Variants in SOX5 observed in about 807,000 individuals in gnomAD.
The protein encoded by SOX5 is transcription factor SOX-5.
In SOX5, 9 loss-of-function variants were observed where a neutral mutation model predicts 92.0. The observed-to-expected ratio is 0.10, with a 90% CI of 0.06 to 0.17. The LOEUF (loss-of-function observed/expected upper bound fraction) is 0.17. Among genes scored for constraint, SOX5 ranks in the 10% least tolerant of loss-of-function variants. SOX5 has a pLI of 1.00. For synonymous variants in SOX5, 344 were observed against 336.3 expected (o/e 1.02, Z -0.25); for missense variants, 642 against 944.5 (o/e 0.68, Z 4.20).
chr12:24,104,888 T>C (rs976970111), intron 4 of SOX5, among the ~76,000 whole-genome samples: 5 of 152,228 alleles, frequency 3.3e-5, no homozygotes, highest in Admixed American at 6.5e-5. Flanking sequence ...GTAAATACAA[T>C]TGCAGACTGC....
At chr12:23,928,077 A>T (rs531400989) in intron 1 of SOX5, among the ~76,000 whole-genome samples, 22 of 152,182 alleles carry the variant, frequency 1.4e-4, no homozygotes, top group African/African-American at 5.1e-4. Flanking sequence ...TACTGGGCAC[A>T]TGAGGAAGGA....
chr12:23,776,381 AAAG>A (rs2095099529), intron 3 of SOX5, among the ~76,000 whole-genome samples: 2 of 152,238 alleles, frequency 1.3e-5, no homozygotes, highest in African/African-American at 4.8e-5. Flanking sequence ...TCAAACTTTT[AAAG>A]AAGGATATGA....
chr12:23,641,759 G>A (rs2080099126), intron 7 of SOX5, among the ~76,000 whole-genome samples: 1 of 152,114 alleles, frequency 6.6e-6, no homozygotes, highest in Non-Finnish European at 1.5e-5. Context: ...TACATTATTT[G>A]TCATCTGACA....
Position 23,846,206 on chromosome 12 carries a change from G to A in SOX5, c.271-13C>T. The A allele has an allele frequency of 6.3e-7, 1 of 1,593,068 alleles. No homozygotes were observed. Among genetic ancestry groups the A allele is most frequent in the East Asian group, 2.2e-5 (1 of 44,746 alleles). Reference sequence around the variant, plus strand: ...TGCCATCAACTTCCTGAAAGAGAAAGCAAAATGACAAATAATTGTTTACCT... The same window carrying A: ...TGCCATCAACTTCCTGAAAGAGAAAACAAAATGACAAATAATTGTTTACCT... On this transcript the variant is annotated splice_polypyrimidine_tract_variant and intron_variant, in intron 2 of 14. Transcript: ENST00000451604.
intron 4 of SOX5, among the ~76,000 whole-genome samples, chr12:23,748,463 T>A (rs1236632171): frequency 2.0e-5 from 3 of 151,984 alleles, no homozygotes; most frequent in African/African-American, 7.2e-5. Context: ...TCCCCAATAT[T>A]GTTTTACTCC....
chr12:23,709,837 A>C (rs562974726), intron 6 of SOX5, among the ~76,000 whole-genome samples: 26 of 152,298 alleles, frequency 1.7e-4, no homozygotes, highest in Non-Finnish European at 3.7e-4. Context: ...TTTTAGCTTT[A>C]AGGTTGACAT....
rs576774933 is a variant in SOX5 at position 23,786,763 on chromosome 12, C to T, written c.482-31039G>A. 2.7e-5 allele frequency among the ~76,000 whole-genome samples: 4 copies of T among 145,850 alleles called. 1 individual carries two copies. Among genetic ancestry groups the T allele is most frequent in the East Asian group, 4.0e-4 (2 of 5,060 alleles). On this transcript the variant is annotated intron_variant, in intron 3 of 14. Transcript: ENST00000451604. ...GTCTCTGAATTTTTATTAATATTTG[C>T]CTGACCCATTCTTGATTTGACTTGT...
At chr12:24,145,717 G>A (rs557500618) in intron 4 of SOX5, among the ~76,000 whole-genome samples, 3 of 152,094 alleles carry the variant, frequency 2.0e-5, no homozygotes, top group African/African-American at 7.2e-5. Context: ...ACGTTGCCCA[G>A]GCTGGTCTTG....
At chr12:24,311,486 T>A (rs1243611250) in intron 2 of SOX5, among the ~76,000 whole-genome samples, 1 of 152,180 alleles carries the variant, frequency 6.6e-6, no homozygotes, top group East Asian at 1.9e-4. Context: ...TGAACTAATT[T>A]TGGGGATTGT....
Position 23,970,841 on chromosome 12 carries a change from A to ATATATATATATATATTTTTTT in SOX5, c.-1-74818_-1-74817insAAAAAAATATATATATATATA. Among the ~76,000 whole-genome samples, 114 of 21,884 alleles carry ATATATATATATATATTTTTTT rather than the reference A, an allele frequency of 5.2e-3. 21 individuals are homozygous for ATATATATATATATATTTTTTT. Among genetic ancestry groups the ATATATATATATATATTTTTTT allele is most frequent in the East Asian group, 0.016 (18 of 1,156 alleles). 14.4% of individuals were successfully genotyped at this position (21,884 alleles called of 152,430 possible). A position where few individuals can be genotyped will look rare whatever the true frequency, so the allele number is the denominator to read the frequency against. On this transcript the variant is annotated intron_variant, in intron 4 of 4. Transcript: ENST00000446891. ...ACATGGGACTTTATATATATATATAATTTTTTTTTTTTTTTAAGAAATGGG... is the reference window on the plus strand; with the variant it reads ...ACATGGGACTTTATATATATATATAATATATATATATATATTTTTTTTTTTTTTTTTTTTTTAAGAAATGGG...
intron 3 of SOX5, among the ~76,000 whole-genome samples, chr12:24,219,598 T>C (rs1439481888): frequency 6.6e-6 from 1 of 152,098 alleles, no homozygotes; most frequent in Non-Finnish European, 1.5e-5. Context: ...ATTTATCCAA[T>C]TTCATGATCA....
intron 1 of SOX5, among the ~76,000 whole-genome samples, chr12:23,944,862 C>G (rs1476603642): frequency 6.6e-6 from 1 of 152,078 alleles, no homozygotes; most frequent in African/African-American, 2.4e-5. Context: ...GAGTCAGAGA[C>G]CTGGCACATT....
intron 4 of SOX5, among the ~76,000 whole-genome samples, chr12:24,180,960 T>C (rs557249192): frequency 1.2e-4 from 19 of 152,316 alleles, no homozygotes; most frequent in African/African-American, 3.8e-4. Flanking sequence ...ATGCATCTCA[T>C]TGTATAAGCA....
intron 3 of SOX5, among the ~76,000 whole-genome samples, chr12:23,761,807 C>T (rs1342853161): frequency 2.6e-5 from 4 of 152,122 alleles, no homozygotes; most frequent in African/African-American, 9.6e-5. Context: ...ATTATTAACT[C>T]GATAATCTGT....
intron 3 of SOX5, among the ~76,000 whole-genome samples, chr12:24,256,835 C>A (rs542498204): frequency 3.3e-5 from 5 of 152,192 alleles, no homozygotes; most frequent in African/African-American, 7.2e-5. Flanking sequence ...CATCTGCCTG[C>A]TGCATGACTC....
chr12:24,322,976 T>G (rs1595569162), intron 2 of SOX5, among the ~76,000 whole-genome samples: 1 of 152,202 alleles, frequency 6.6e-6, no homozygotes, highest in South Asian at 2.1e-4. Context: ...TTTATTAAGG[T>G]TTTTTGTTTT....
intron 1 of SOX5, among the ~76,000 whole-genome samples, chr12:23,903,721 T>G (rs1482676104): frequency 6.6e-6 from 1 of 152,236 alleles, no homozygotes; most frequent in Non-Finnish European, 1.5e-5. Flanking sequence ...GCCTTAAGTT[T>G]TTCGAGTAGC....
At chr12:24,400,939 A>C (rs1961384539) in intron 1 of SOX5, among the ~76,000 whole-genome samples, 1 of 152,218 alleles carries the variant, frequency 6.6e-6, no homozygotes, top group African/African-American at 2.4e-5. Flanking sequence ...ACTCCTTTGA[A>C]ATAGAAATGG....
intron 2 of SOX5, among the ~76,000 whole-genome samples, chr12:23,890,258 T>A (rs2097114991): frequency 6.6e-6 from 1 of 150,670 alleles, no homozygotes; most frequent in Non-Finnish European, 1.5e-5. Flanking sequence ...AGGCGGAAGT[T>A]GCAGCGAGCC....
Sources: gnomAD v4.1 joint callset for allele counts (sites outside exome capture counted in the v4.1 genomes callset) on GRCh38, gnomAD v4.1.1 for gene constraint, MANE v1.5 for transcripts, NCBI Gene and HGNC (gene_info 2026-07-23, HGNC 2026-07-21) for gene names.